The following DGKD variants were observed in gnomAD, a reference collection of about 807,000 sequenced individuals.
The protein encoded by DGKD is diacylglycerol kinase delta, also known as DAG kinase delta.
In DGKD, 68 loss-of-function variants were observed where a neutral mutation model predicts 154.4. The observed-to-expected ratio is 0.44, with a 90% CI of 0.36 to 0.54. DGKD has a LOEUF of 0.54. Ranked by LOEUF, DGKD falls within the 20% of genes least tolerant of loss-of-function variation. The pLI is 0.00. For missense variants in DGKD, 1,343 were observed against 1,593.6 expected, an observed-to-expected ratio of 0.84 and a Z score of 2.68; for synonymous variants, 693 against 638.0, an observed-to-expected ratio of 1.09 and a Z score of -1.30.
rs148841228 is a variant in DGKD at position 233,396,214 on chromosome 2, C to A, written c.348+5731C>A. Among the ~76,000 whole-genome samples the A allele has an allele frequency of 7.1e-3, 1,084 of 152,254 alleles. 8 individuals are homozygous for A. The highest frequency in any genetic ancestry group is 0.025 in the African/African-American group (1,028 of 41,540). On this transcript the variant is annotated intron_variant, in intron 3 of 29. Transcript: ENST00000264057. ...GAGTTGCCTTCTCTCTTGTGCAATGCGGGTTTGCTAACTGGTTGGTCTGGG... is the reference window on the plus strand; with the variant it reads ...GAGTTGCCTTCTCTCTTGTGCAATGAGGGTTTGCTAACTGGTTGGTCTGGG...
At chr2:233,356,390 T>G (rs892806824) in intron 1 of DGKD, among the ~76,000 whole-genome samples, 1 of 151,984 alleles carries the variant, frequency 6.6e-6, no homozygotes, top group African/African-American at 2.4e-5. Context: ...AGTATGGGGG[T>G]GATGGATCAG....
rs2063200013 is a variant in DGKD at position 233,449,542 on chromosome 2, C to A, written c.1888+166C>A. On this transcript the variant is annotated intron_variant, in intron 15 of 29. Transcript: ENST00000264057. This position sits in a 1 kb window ranked among gnomAD's most constrained non-coding sequence, Gnocchi z 5.3. ...GACCCCCAACGAGTTCGCTTGCCCT[C>A]CTTCCACCCCTCCTCTCACACCCTC... 6.6e-6 allele frequency among the ~76,000 whole-genome samples: 1 copy of A among 152,206 alleles called. No homozygotes were observed. Among genetic ancestry groups the A allele is most frequent in the Non-Finnish European group, 1.5e-5 (1 of 68,034 alleles).
At chr2:233,434,083 T>G (rs2062614446) in intron 3 of DGKD, among the ~76,000 whole-genome samples, 1 of 152,246 alleles carries the variant, frequency 6.6e-6, no homozygotes, top group South Asian at 2.1e-4. Flanking sequence ...GTTACTTCTT[T>G]TTTTATTTCC....
chr2:233,385,305 C>G lies in DGKD; in HGVS notation c.157-2952C>G, dbSNP rs530407121. Among the ~76,000 whole-genome samples, 4 of 152,320 alleles carry G rather than the reference C, an allele frequency of 2.6e-5. No homozygotes were observed. The East Asian group carries it at 7.7e-4, about 29-fold the overall frequency. On this transcript the variant is annotated intron_variant, in intron 1 of 29. Coordinates refer to ENST00000264057, the MANE Select transcript of DGKD (RefSeq NM_152879.3). ...TCAGTGGGTGGCCGTGGACCACACT[C>G]CAGCTCAGGCCCAGTGCTCTCGCCA... is the stretch of plus-strand genomic sequence containing the variant.
intron 3 of DGKD, among the ~76,000 whole-genome samples, chr2:233,407,597 C>G (rs1309781660): frequency 6.6e-6 from 1 of 152,062 alleles, no homozygotes; most frequent in Non-Finnish European, 1.5e-5. Flanking sequence ...AAGATCCTGT[C>G]TCTACAAAAA....
Position 233,457,078 on chromosome 2 carries a change from A to G in DGKD, c.2472+83A>G. 7.3e-7 allele frequency: 1 copy of G among 1,362,906 alleles called. No homozygotes were observed. Among genetic ancestry groups the G allele is most frequent in the Non-Finnish European group, 1.0e-6 (1 of 953,858 alleles). 84.4% of individuals were successfully genotyped at this position (1,362,906 alleles called of 1,614,324 possible). On this transcript the variant is annotated intron_variant, in intron 20 of 29. Transcript: ENST00000264057. The surrounding 1 kb of genome is among the most constrained non-coding windows in gnomAD (Gnocchi z 5.5). ...AGGCCTATTGCTTCTCCTGTTGACC[A>G]TTTCCTCCATGCACAGGGACTTGCC... is the stretch of plus-strand genomic sequence containing the variant.
At chr2:233,355,649 G>C (rs1701503797) in intron 1 of DGKD, among the ~76,000 whole-genome samples, 2 of 152,364 alleles carry the variant, frequency 1.3e-5, no homozygotes, top group South Asian at 2.1e-4. Context: ...GTCCTAACAT[G>C]TTACAAACAG....
chr2:233,406,968 T>G (rs1158169730), intron 3 of DGKD, among the ~76,000 whole-genome samples: 2 of 152,266 alleles, frequency 1.3e-5, no homozygotes, highest in Non-Finnish European at 2.9e-5. Context: ...TTGAATAGTT[T>G]ATGGTATCAA....
chr2:233,454,512 T>C (rs2063392904), intron 18 of DGKD: 1 of 497,466 alleles, frequency 2.0e-6, no homozygotes, highest in African/African-American at 2.0e-5. Context: ...AGGCTTTCTC[T>C]TTAGGGGGAT....
intron 27 of DGKD, 75 bp from the exon 28 acceptor site, chr2:233,467,011 C>T: frequency 1.6e-6 from 2 of 1,219,806 alleles, no homozygotes; most frequent in South Asian, 1.2e-5. Context: ...CCCTCCCAGC[C>T]TCTCTGGTGG....
chr2:233,455,060 T>G (rs1236086845), intron 19 of DGKD, among the ~76,000 whole-genome samples, 187 bp downstream of exon 19: 1 of 152,196 alleles, frequency 6.6e-6, no homozygotes, highest in Non-Finnish European at 1.5e-5. Context: ...GAAGCACCTC[T>G]CGGGCTGGCC....
Position 233,440,705 on chromosome 2 carries a change from G to A in DGKD, c.1086-1182G>A, listed in dbSNP as rs1337038086. On this transcript the variant is annotated intron_variant, in intron 9 of 29. Coordinates refer to ENST00000264057, the MANE Select transcript of DGKD (RefSeq NM_152879.3). This position sits in a 1 kb window ranked among gnomAD's most constrained non-coding sequence, Gnocchi z 4.9. ...CACCTGCCGTCAGGGAGGGCTGCGG[G>A]TGCTGGCCAAGAGGTTCGACTCCTT... Among the ~76,000 whole-genome samples the A allele has an allele frequency of 6.6e-6, 1 of 152,218 alleles. No individual in the cohort carries two copies. Among genetic ancestry groups the A allele is most frequent in the Non-Finnish European group, 1.5e-5 (1 of 68,046 alleles).
At chr2:233,375,259 C>T (rs1014016433) in intron 1 of DGKD, among the ~76,000 whole-genome samples, 1 of 151,886 alleles carries the variant, frequency 6.6e-6, no homozygotes, top group African/African-American at 2.4e-5. Context: ...CCACCGCGCT[C>T]CAGCCTGGGC....
intron 1 of DGKD, among the ~76,000 whole-genome samples, chr2:233,387,982 C>A (rs900023375): frequency 3.3e-5 from 5 of 152,216 alleles, no homozygotes; most frequent in Non-Finnish European, 5.9e-5. Context: ...GTCCCTTCTT[C>A]ATGTCTGCCA....
At chr2:233,411,063 T>C (rs1222321847) in intron 3 of DGKD, among the ~76,000 whole-genome samples, 2 of 152,220 alleles carry the variant, frequency 1.3e-5, no homozygotes, top group Non-Finnish European at 2.9e-5. Context: ...CAGTAGTCCA[T>C]TGTATGCATA....
chr2:233,444,863 C>G (rs986056112), intron 10 of DGKD, among the ~76,000 whole-genome samples: 1 of 37,780 alleles, frequency 2.6e-5, no homozygotes, highest in Non-Finnish European at 5.0e-5. Flanking sequence ...TAACGCCTCC[C>G]CACACACTCC....
chr2:233,358,007 T>G (rs1701608204), intron 1 of DGKD, among the ~76,000 whole-genome samples: 1 of 152,246 alleles, frequency 6.6e-6, no homozygotes, highest in Non-Finnish European at 1.5e-5. Context: ...GTGTGCAGAT[T>G]TGTGATGGCC....
chr2:233,458,424 G>C lies in DGKD; in HGVS notation c.2694+27G>C, dbSNP rs1396756562. 2 of 1,562,792 alleles carry C rather than the reference G, an allele frequency of 1.3e-6. No individual in the cohort carries two copies. Among genetic ancestry groups the C allele is most frequent in the Non-Finnish European group, 1.7e-6 (2 of 1,144,502 alleles). On this transcript the variant is annotated intron_variant, in intron 22 of 29. Coordinates refer to ENST00000264057, the MANE Select transcript of DGKD (RefSeq NM_152879.3). The surrounding 1 kb of genome is among the most constrained non-coding windows in gnomAD (Gnocchi z 6.6). Reference sequence around the variant, plus strand: ...TAGTGGCCATGGTCCTGGGGTGTCTGGCCGAGTCCCCAGCCCGGAGTGTGC... The same window carrying C: ...TAGTGGCCATGGTCCTGGGGTGTCTCGCCGAGTCCCCAGCCCGGAGTGTGC...
chr2:233,435,685 A>G (rs2062668197), intron 5 of DGKD, 133 bp from the exon 6 acceptor site: 2 of 679,638 alleles, frequency 2.9e-6, no homozygotes, highest in Non-Finnish European at 4.6e-6. Flanking sequence ...ACAGTAGTTC[A>G]CTTATAAAAT....
Sources: gnomAD v4.1 joint callset for allele counts (sites outside exome capture counted in the v4.1 genomes callset) on GRCh38, gnomAD v4.1.1 for gene constraint, Gnocchi (gnomAD v3.1) non-coding constraint, MANE v1.5 for transcripts, NCBI Gene and HGNC (gene_info 2026-07-23, HGNC 2026-07-21) for gene names.